Variants in MON2 observed in about 807,000 individuals in gnomAD.
MON2 encodes protein MON2 homolog.
In MON2, 84 loss-of-function variants were observed where a neutral mutation model predicts 208.6. The observed-to-expected ratio is 0.40, with a 90% CI of 0.34 to 0.48. The LOEUF (loss-of-function observed/expected upper bound fraction) is 0.48, where lower values mean the gene tolerates loss of function less well. Ranked by LOEUF, MON2 falls within the 20% of genes least tolerant of loss-of-function variation. MON2 has a pLI of 0.59. For missense variants in MON2, 1,611 were observed against 2,015.4 expected, an observed-to-expected ratio of 0.80 and a Z score of 3.84; for synonymous variants, 660 against 694.0, an observed-to-expected ratio of 0.95 and a Z score of 0.77.
At chr12:62,485,046 G>A (rs2069684871) in intron 2 of MON2, 1 of 151,628 alleles carries the variant, frequency 6.6e-6, no homozygotes, top group African/African-American at 2.4e-5. Flanking sequence ...AAGAGGTTAA[G>A]TTACTTGCCC....
chr12:62,500,418 A>G (rs967955154), intron 5 of MON2, among the ~76,000 whole-genome samples: 8 of 152,218 alleles, frequency 5.3e-5, no homozygotes, highest in African/African-American at 1.9e-4. Flanking sequence ...AGTTAACCAT[A>G]TGGTAAACGT....
chr12:62,578,550 C>A, intron 31 of MON2, 45 bp downstream of exon 31: 1 of 1,218,492 alleles, frequency 8.2e-7, no homozygotes, highest in Non-Finnish European at 1.2e-6. Context: ...ATTTTTGAAA[C>A]CAAATAGTAA....
At chr12:62,517,662 C>T (rs2071774428) in intron 8 of MON2, among the ~76,000 whole-genome samples, 4 of 152,150 alleles carry the variant, frequency 2.6e-5, no homozygotes, top group Admixed American at 2.6e-4. Flanking sequence ...ACAGGGCCCT[C>T]AGCAGAACCT....
chr12:62,595,300 CCAGG>C lies in MON2; in HGVS notation c.*2553_*2556del, dbSNP rs1210216243. The stretch of plus-strand genomic sequence containing the variant: ...CTGGGATTACAGACATGCCACCATG[CCAGG>C]CTAATTTTTTTAATATTTTTAGTAG... On this transcript the variant is annotated 3_prime_UTR_variant, in exon 35 of 35. Coordinates refer to ENST00000393630, the MANE Select transcript of MON2 (RefSeq NM_015026.3). 6.6e-6 allele frequency: 1 copy of C among 152,092 alleles called. No individual in the cohort carries two copies. The highest frequency in any genetic ancestry group is 2.4e-5 in the African/African-American group (1 of 41,400). The allele number at this position is 152,092 out of a possible 1,614,324, so 9.4% of individuals were successfully genotyped here. A position where few individuals can be genotyped will look rare whatever the true frequency, so the allele number is the denominator to read the frequency against.
intron 8 of MON2, among the ~76,000 whole-genome samples, chr12:62,523,747 G>C (rs1213247202): frequency 6.6e-6 from 1 of 152,016 alleles, no homozygotes; most frequent in Non-Finnish European, 1.5e-5. Flanking sequence ...AATCAGTTTG[G>C]CCTAATAATC....
Position 62,594,726 on chromosome 12 carries a change from T to C in MON2, c.*1977T>C, listed in dbSNP as rs899882028. The stretch of plus-strand genomic sequence containing the variant: ...GTCAAGTGTATGCAATATACATTTA[T>C]ATGAACCAAAGCTTGCTTTATCAGG... On this transcript the variant is annotated 3_prime_UTR_variant, in exon 35 of 35. Transcript: ENST00000393630. The C allele has an allele frequency of 3.3e-5, 5 of 152,260 alleles. No individual in the cohort carries two copies. Among genetic ancestry groups the C allele is most frequent in the African/African-American group, 4.8e-5 (2 of 41,466 alleles). 9.4% of individuals were successfully genotyped at this position (152,260 alleles called of 1,614,324 possible).
intron 26 of MON2, 51 bp from the exon 27 acceptor site, chr12:62,565,186 C>T: frequency 1.3e-6 from 2 of 1,559,110 alleles, no homozygotes; most frequent in Non-Finnish European, 1.8e-6. Context: ...CAGTAAAGAA[C>T]TTAATGGAGT....
chr12:62,539,422 C>T (rs2073132370), intron 19 of MON2, among the ~76,000 whole-genome samples: 1 of 151,866 alleles, frequency 6.6e-6, no homozygotes, highest in Admixed American at 6.6e-5. Flanking sequence ...CGCCACCACG[C>T]CCGGCTAATT....
chr12:62,591,922 C>A (rs1363810836), intron 34 of MON2, among the ~76,000 whole-genome samples: 1 of 152,120 alleles, frequency 6.6e-6, no homozygotes, highest in African/African-American at 2.4e-5. Flanking sequence ...ACATTATGCA[C>A]AATACTTATA....
chr12:62,513,698 G>GTTCCCAA (rs1487466348), intron 8 of MON2, among the ~76,000 whole-genome samples: 8 of 123,590 alleles, frequency 6.5e-5, no homozygotes, highest in East Asian at 3.2e-4. Context: ...TGTAATCCCA[G>GTTCCCAA]CACTTTGGGA....
chr12:62,565,945 G>A (rs548649491), intron 27 of MON2, 69 bp from the exon 28 acceptor site: 38 of 1,373,468 alleles, frequency 2.8e-5, no homozygotes, highest in Admixed American at 1.2e-4. Flanking sequence ...TATATCGTCC[G>A]AAAGTAGTTT....
At chr12:62,475,448 GC>G (rs2069018654) in intron 1 of MON2, among the ~76,000 whole-genome samples, 1 of 150,556 alleles carries the variant, frequency 6.6e-6, no homozygotes, top group African/African-American at 2.4e-5. Flanking sequence ...TAGTAATTTA[GC>G]CTGGGTGAAA....
intron 10 of MON2, 136 bp downstream of exon 10, chr12:62,525,356 C>A: frequency 1.3e-6 from 1 of 785,096 alleles, no homozygotes; most frequent in Non-Finnish European, 2.0e-6. Context: ...AAGAATTGCA[C>A]TGAAAGAATA....
At chr12:62,550,164 T>TTTGAAGCC (rs1337722452) in intron 23 of MON2, among the ~76,000 whole-genome samples, 1 of 152,204 alleles carries the variant, frequency 6.6e-6, no homozygotes, top group East Asian at 1.9e-4. Context: ...CAGCTTGTAC[T>TTTGAAGCC]TTGAAGCCTT....
In MON2 at chr12:62,498,909, G is replaced by T; in HGVS notation, c.436-10G>T. 1 of 1,585,254 alleles carries T rather than the reference G, an allele frequency of 6.3e-7. No homozygotes were observed. The highest frequency in any genetic ancestry group is 8.6e-7 in the Non-Finnish European group (1 of 1,168,138). ...TCTTATTTCACACTAAATGAAAATT[G>T]TGTTTTCAGGCAATCGTTCTTTGTT... On this transcript the variant is annotated splice_polypyrimidine_tract_variant and intron_variant, in intron 4 of 34. Coordinates refer to ENST00000393630, the MANE Select transcript of MON2 (RefSeq NM_015026.3).
intron 25 of MON2, 145 bp from the exon 26 acceptor site, chr12:62,560,346 A>T: frequency 1.3e-6 from 1 of 747,804 alleles, no homozygotes; most frequent in Non-Finnish European, 2.1e-6. Context: ...TCCCATTGTT[A>T]GTACCTTAGT....
intron 8 of MON2, among the ~76,000 whole-genome samples, chr12:62,516,681 G>A (rs1400806845): frequency 6.6e-6 from 1 of 152,136 alleles, no homozygotes; most frequent in Non-Finnish European, 1.5e-5. Flanking sequence ...TCCAGGCTGG[G>A]CAACAAGAGC....
chr12:62,531,792 CAG>C (rs2072658836), intron 11 of MON2, among the ~76,000 whole-genome samples: 1 of 151,444 alleles, frequency 6.6e-6, no homozygotes, highest in African/African-American at 2.4e-5. Flanking sequence ...TTTTTTGAGA[CAG>C]AGTGTCACTC....
chr12:62,513,469 ACCCGCCTC>A (rs907384479), intron 8 of MON2, among the ~76,000 whole-genome samples: 5 of 151,150 alleles, frequency 3.3e-5, no homozygotes, highest in Non-Finnish European at 7.4e-5. Context: ...CAAGCAACCC[ACCCGCCTC>A]GGCCTCCCAA....
Sources: gnomAD v4.1 joint callset for allele counts (sites outside exome capture counted in the v4.1 genomes callset) on GRCh38, gnomAD v4.1.1 for gene constraint, MANE v1.5 for transcripts, NCBI Gene and HGNC (gene_info 2026-07-23, HGNC 2026-07-21) for gene names.